Variants in TLN2 observed in about 807,000 individuals in gnomAD.
TLN2 encodes the protein talin-2.
A neutral mutation model predicts 294.7 loss-of-function variants in TLN2; 118 were observed. The observed-to-expected ratio is 0.40, with a 90% CI of 0.34 to 0.47. The LOEUF (loss-of-function observed/expected upper bound fraction) is 0.47. Ranked by LOEUF, TLN2 falls within the 20% of genes least tolerant of loss-of-function variation. TLN2 has a pLI of 0.84. For synonymous variants in TLN2, 1,431 were observed against 1,304.5 expected, an observed-to-expected ratio of 1.10 and a Z score of -2.09; for missense variants, 3,083 against 3,282.2, an observed-to-expected ratio of 0.94 and a Z score of 1.48.
Position 62,639,811 on chromosome 15 carries a change from A to C in TLN2, c.-36-7464A>C, listed in dbSNP as rs140863330. Among the ~76,000 whole-genome samples, 5 of 152,256 alleles carry C rather than the reference A, an allele frequency of 3.3e-5. No individual in the cohort carries two copies. The East Asian group carries it at 9.7e-4, about 29-fold the overall frequency. ...TAACCAGGTCCCAGTGGGTTGACAAAATTATTAGAGAGGGCCTTGGTAACT... is the reference window on the plus strand; with the variant it reads ...TAACCAGGTCCCAGTGGGTTGACAACATTATTAGAGAGGGCCTTGGTAACT... On this transcript the variant is annotated intron_variant, in intron 3 of 58. Coordinates refer to ENST00000636159, the MANE Select transcript of TLN2 (RefSeq NM_015059.3).
intron 3 of TLN2, chr15:62,637,057 A>C (rs988282290): frequency 2.6e-5 from 4 of 152,248 alleles, no homozygotes; most frequent in African/African-American, 9.6e-5. Context: ...CCTCAGCAGG[A>C]GCCTGCAGAA....
intron 45 of TLN2, 155 bp downstream of exon 45, chr15:62,784,045 C>A: frequency 1.5e-6 from 2 of 1,293,414 alleles, no homozygotes; most frequent in Non-Finnish European, 2.1e-6. Context: ...AGGTCCAGAC[C>A]AGGTAGCCCC....
intron 1 of TLN2, among the ~76,000 whole-genome samples, chr15:62,554,729 C>G (rs2042513319): frequency 6.6e-6 from 1 of 152,148 alleles, no homozygotes; most frequent in South Asian, 2.1e-4. Context: ...GTACCCAGGC[C>G]TCAGTTTCAC....
At chr15:62,588,175 C>T (rs914185846) in intron 1 of TLN2, among the ~76,000 whole-genome samples, 12 of 152,016 alleles carry the variant, frequency 7.9e-5, no homozygotes, top group Non-Finnish European at 1.5e-4. Flanking sequence ...CCACCGCACC[C>T]GGCCTAAAAT....
chr15:62,753,361 C>T (rs1411081153), intron 35 of TLN2, among the ~76,000 whole-genome samples: 2 of 152,126 alleles, frequency 1.3e-5, no homozygotes, highest in African/African-American at 2.4e-5. Flanking sequence ...CCAGCAGCTC[C>T]ACACCATTAG....
intron 1 of TLN2, among the ~76,000 whole-genome samples, chr15:62,475,456 G>A (rs1180474328): frequency 6.6e-6 from 1 of 152,194 alleles, no homozygotes; most frequent in Non-Finnish European, 1.5e-5. Context: ...GCAGGGGAAA[G>A]AGGCAACTAT....
At chr15:62,495,716 T>C (rs1489065330) in intron 1 of TLN2, among the ~76,000 whole-genome samples, 2 of 152,206 alleles carry the variant, frequency 1.3e-5, no homozygotes, top group African/African-American at 2.4e-5. Context: ...GGTAGACTTA[T>C]ATTACTCCTC....
chr15:62,752,809 A>G (rs2062010190), intron 35 of TLN2, among the ~76,000 whole-genome samples: 1 of 152,234 alleles, frequency 6.6e-6, no homozygotes, highest in Non-Finnish European at 1.5e-5. Context: ...TTAGAATCAG[A>G]GAGAGAAAAA....
intron 1 of TLN2, among the ~76,000 whole-genome samples, chr15:62,562,967 CACA>C (rs1233965212): frequency 7.4e-6 from 1 of 134,600 alleles, no homozygotes; most frequent in African/African-American, 2.8e-5. Context: ...CACACACACA[CACA>C]CCAGTTTCTT....
At chr15:62,449,890 A>G (rs2140318483) in intron 1 of TLN2, among the ~76,000 whole-genome samples, 1 of 152,042 alleles carries the variant, frequency 6.6e-6, no homozygotes, top group African/African-American at 2.4e-5. Flanking sequence ...TGGTTCCATG[A>G]TTTTCTGTCT....
intron 51 of TLN2, among the ~76,000 whole-genome samples, chr15:62,809,342 C>T (rs1336234695): frequency 6.6e-6 from 1 of 152,072 alleles, no homozygotes; most frequent in Non-Finnish European, 1.5e-5. Context: ...TTGTGTATCT[C>T]GACTTTTGTA....
intron 1 of TLN2, among the ~76,000 whole-genome samples, chr15:62,499,100 A>G (rs1872740711): frequency 6.6e-6 from 1 of 151,676 alleles, no homozygotes; most frequent in South Asian, 2.1e-4. Context: ...TTTTTTTTCT[A>G]GGCCATGTTT....
At chr15:62,582,663 A>G (rs539479569) in intron 1 of TLN2, among the ~76,000 whole-genome samples, 3 of 152,254 alleles carry the variant, frequency 2.0e-5, no homozygotes, top group South Asian at 4.1e-4. Context: ...GCACTGGCTT[A>G]GTGGTGGTAG....
Position 62,638,695 on chromosome 15 carries a change from T to G in TLN2, c.-36-8580T>G, listed in dbSNP as rs1459169751. The G allele has an allele frequency of 6.7e-6, 3 of 450,586 alleles. No individual in the cohort carries two copies. The East Asian group carries it at 2.1e-4, about 31-fold the overall frequency. 27.9% of individuals were successfully genotyped at this position (450,586 alleles called of 1,614,324 possible). A position where few individuals can be genotyped will look rare whatever the true frequency, so the allele number is the denominator to read the frequency against. ...ATGTTGTGGGCACTCTCTTTGGTTC[T>G]TGGTGGAGGGTAGAAATGCTGACTT... On this transcript the variant is annotated intron_variant, in intron 3 of 58. Coordinates refer to ENST00000636159, the MANE Select transcript of TLN2 (RefSeq NM_015059.3).
At chr15:62,413,241 A>G (rs2033877217) in intron 1 of TLN2, among the ~76,000 whole-genome samples, 1 of 152,176 alleles carries the variant, frequency 6.6e-6, no homozygotes, top group South Asian at 2.1e-4. Context: ...GCCCTGCCCA[A>G]GGTGACACAT....
chr15:62,618,918 C>G (rs4775520), intron 3 of TLN2, among the ~76,000 whole-genome samples: 53,242 of 152,018 alleles, frequency 0.35, 9,642 homozygotes, highest in East Asian at 0.57. Context: ...ATGTTATAAA[C>G]TAAACTCACA....
chr15:62,791,327 C>CT, intron 45 of TLN2, among the ~76,000 whole-genome samples: 1 of 152,150 alleles, frequency 6.6e-6, no homozygotes, highest in Non-Finnish European at 1.5e-5. Flanking sequence ...GCCCTCCAGC[C>CT]TAGGTGACAG....
intron 1 of TLN2, among the ~76,000 whole-genome samples, chr15:62,474,182 G>A (rs1291490745): frequency 1.3e-5 from 2 of 152,206 alleles, no homozygotes; most frequent in Non-Finnish European, 2.9e-5. Context: ...TGTTAATTTA[G>A]CAGGGGTCCT....
intron 24 of TLN2, 112 bp from the exon 25 acceptor site, chr15:62,719,655 G>A (rs974661748): frequency 5.7e-5 from 44 of 767,990 alleles, no homozygotes; most frequent in Non-Finnish European, 6.9e-5. Context: ...TGGGGCTGGC[G>A]TCCCCTGGGA....
Sources: gnomAD v4.1 joint callset for allele counts (sites outside exome capture counted in the v4.1 genomes callset) on GRCh38, gnomAD v4.1.1 for gene constraint, MANE v1.5 for transcripts, NCBI Gene and HGNC (gene_info 2026-07-23, HGNC 2026-07-21) for gene names.